TEC: variants seen among roughly 807,000 people sequenced by gnomAD.
The protein encoded by TEC is tyrosine-protein kinase Tec.
TEC carries 72 observed loss-of-function variants against 93.0 expected under a neutral mutation model. The observed-to-expected ratio is 0.77, with a 90% CI of 0.64 to 0.94. The LOEUF is 0.94. TEC is among the 40% of genes least tolerant of loss of function. The pLI, the probability that TEC is intolerant of heterozygous loss-of-function variation, is 0.00. For missense variants in TEC, 630 were observed against 757.9 expected, an observed-to-expected ratio of 0.83 and a Z score of 1.98; for synonymous variants, 249 against 247.7, an observed-to-expected ratio of 1.01 and a Z score of -0.05.
chr4:48,264,702 T>C (rs1724586856), intron 1 of TEC, among the ~76,000 whole-genome samples: 1 of 151,506 alleles, frequency 6.6e-6, no homozygotes, highest in African/African-American at 2.4e-5. Context: ...AGTGGCATCA[T>C]ATCGGCTCAC....
intron 1 of TEC, among the ~76,000 whole-genome samples, chr4:48,245,762 G>A (rs550245253): frequency 2.0e-5 from 3 of 151,974 alleles, no homozygotes; most frequent in East Asian, 3.9e-4. Flanking sequence ...CTCATTCCCC[G>A]ACTTCTAGGA....
At chr4:48,165,958 C>T (rs1048948343) in intron 7 of TEC, among the ~76,000 whole-genome samples, 1 of 152,206 alleles carries the variant, frequency 6.6e-6, no homozygotes, top group African/African-American at 2.4e-5. Flanking sequence ...TGCAAAAGTG[C>T]GTGTTCCCTC....
chr4:48,221,478 T>TC (rs1723259488), intron 2 of TEC, among the ~76,000 whole-genome samples: 1 of 152,192 alleles, frequency 6.6e-6, no homozygotes, highest in Non-Finnish European at 1.5e-5. Context: ...TCCTGAGGCC[T>TC]CCCCAGCTAT....
intron 1 of TEC, among the ~76,000 whole-genome samples, chr4:48,241,901 T>A (rs566508962): frequency 1.3e-5 from 2 of 152,362 alleles, no homozygotes; most frequent in African/African-American, 4.8e-5. Flanking sequence ...TCATGATTAT[T>A]TATTCTGACA....
At chr4:48,197,592 G>A (rs571369725) in intron 2 of TEC, among the ~76,000 whole-genome samples, 7 of 152,296 alleles carry the variant, frequency 4.6e-5, no homozygotes, top group African/African-American at 1.7e-4. Context: ...GAGGACGAAA[G>A]ACATTCATTC....
intron 2 of TEC, among the ~76,000 whole-genome samples, chr4:48,185,862 C>T (rs889287744): frequency 2.3e-5 from 3 of 128,762 alleles, no homozygotes; most frequent in Admixed American, 8.6e-5. Context: ...TCCCGTCTCC[C>T]TCTCCCTCTC....
At chr4:48,200,280 G>T (rs139325425) in intron 2 of TEC, among the ~76,000 whole-genome samples, 3 of 152,046 alleles carry the variant, frequency 2.0e-5, no homozygotes, top group African/African-American at 7.3e-5. Context: ...TGGGCTGGGG[G>T]GTGGGGAGTG....
chr4:48,205,837 T>C (rs971828800), intron 2 of TEC, among the ~76,000 whole-genome samples: 2 of 152,228 alleles, frequency 1.3e-5, no homozygotes, highest in Non-Finnish European at 2.9e-5. Context: ...ATTCAGCTCC[T>C]ATATCCCAGA....
chr4:48,231,189 C>A (rs1324265162), intron 1 of TEC, among the ~76,000 whole-genome samples: 1 of 152,154 alleles, frequency 6.6e-6, no homozygotes, highest in East Asian at 1.9e-4. Flanking sequence ...AGACACTGAA[C>A]TCTTGTACCT....
At chr4:48,251,363 A>G (rs1345780134) in intron 1 of TEC, among the ~76,000 whole-genome samples, 1 of 152,062 alleles carries the variant, frequency 6.6e-6, no homozygotes, top group Non-Finnish European at 1.5e-5. Flanking sequence ...TTTTCTTCTT[A>G]TAACTCAAAT....
rs530160692 is a variant in TEC at position 48,185,159 on chromosome 4, A to T, written c.139-8973T>A. On this transcript the variant is annotated intron_variant, in intron 2 of 17. Transcript: ENST00000381501. ...TTTACAATGAAAGTTCGGGTGAGTC[A>T]ATAGTGAAAGACTAAAGAGTTCCAG... Among the ~76,000 whole-genome samples, 3 of 152,376 alleles carry T rather than the reference A, an allele frequency of 2.0e-5. No homozygotes were observed. The East Asian group carries it at 5.8e-4, about 29-fold the overall frequency.
intron 2 of TEC, among the ~76,000 whole-genome samples, chr4:48,204,224 A>G (rs1336899766): frequency 3.9e-5 from 6 of 152,200 alleles, no homozygotes; most frequent in Non-Finnish European, 8.8e-5. Context: ...TACAAACAAA[A>G]TGGTTCATGC....
At position 48,201,607 on chromosome 4, in the gene TEC, G is replaced by A. The variant is rs950968692; in HGVS notation, c.139-25421C>T. Among the ~76,000 whole-genome samples the A allele has an allele frequency of 1.9e-4, 29 of 152,326 alleles. 1 individual carries two copies. Among genetic ancestry groups the A allele is most frequent in the Admixed American group, 1.6e-3 (25 of 15,304 alleles). Reference sequence around the variant, plus strand: ...ATTTATTGCACAAGCAAGAAGGGCCGTGGGCTACCGAAGCAGTAGGGAGAG... The same window carrying A: ...ATTTATTGCACAAGCAAGAAGGGCCATGGGCTACCGAAGCAGTAGGGAGAG... On this transcript the variant is annotated intron_variant, in intron 2 of 17. Coordinates refer to ENST00000381501, the MANE Select transcript of TEC (RefSeq NM_003215.3).
chr4:48,173,882 G>A (rs901384518), intron 3 of TEC, among the ~76,000 whole-genome samples: 1 of 152,130 alleles, frequency 6.6e-6, no homozygotes, highest in African/African-American at 2.4e-5. Flanking sequence ...TAGGCAGCTG[G>A]TGTGGATTCC....
chr4:48,201,982 A>G (rs1272480628), intron 2 of TEC, among the ~76,000 whole-genome samples: 7 of 130,078 alleles, frequency 5.4e-5, no homozygotes, highest in Non-Finnish European at 1.1e-4. Flanking sequence ...TTTGAGACAG[A>G]GTCTCGCTCT....
At chr4:48,264,353 C>T (rs59741528) in intron 1 of TEC, among the ~76,000 whole-genome samples, 29,770 of 152,182 alleles carry the variant, frequency 0.2, 3,363 homozygotes, top group East Asian at 0.42. Flanking sequence ...CAGCAAAAAA[C>T]CTGGAGTTTC....
chr4:48,233,023 A>G (rs1394365806), intron 1 of TEC, among the ~76,000 whole-genome samples: 1 of 152,242 alleles, frequency 6.6e-6, no homozygotes, highest in African/African-American at 2.4e-5. Context: ...CAACCCTGGA[A>G]GAAAACTAGA....
rs558445109 is a variant in TEC, at chr4:48,217,443, A to G, written c.138+11034T>C. Among the ~76,000 whole-genome samples, 11 of 152,290 alleles carry G rather than the reference A, an allele frequency of 7.2e-5. No homozygotes were observed. The South Asian group carries it at 2.3e-3, about 32-fold the overall frequency. On this transcript the variant is annotated intron_variant, in intron 2 of 17. Transcript: ENST00000381501. ...TACTCATCCTAGTGAACCATGCTAC[A>G]ATAATTTCTTTGGTGGGGAGGGACA...
chr4:48,209,032 G>A (rs886664029), intron 2 of TEC, among the ~76,000 whole-genome samples: 6 of 151,940 alleles, frequency 3.9e-5, no homozygotes, highest in African/African-American at 1.5e-4. Flanking sequence ...TTTGTATTTC[G>A]GTCAATTCAG....
Sources: allele counts gnomAD v4.1 joint callset (sites outside exome capture counted in the v4.1 genomes callset), GRCh38; gene constraint gnomAD v4.1.1; transcripts MANE v1.5; gene names NCBI Gene and HGNC (gene_info 2026-07-23, HGNC 2026-07-21).